ANKRD13D: variants seen among roughly 807,000 people sequenced by gnomAD.
The protein encoded by ANKRD13D is ankyrin repeat domain 13D.
ANKRD13D carries 24 observed loss-of-function variants against 68.8 expected under a neutral mutation model. That is an observed-to-expected ratio of 0.35 (90% CI 0.25 to 0.49). The LOEUF is 0.49. ANKRD13D is among the 20% of genes least tolerant of loss of function. ANKRD13D has a pLI of 0.99. For synonymous variants in ANKRD13D, 331 were observed against 336.1 expected (o/e 0.98, Z 0.16); for missense variants, 735 against 832.1 (o/e 0.88, Z 1.44).
chr11:67,292,109 G>A lies in ANKRD13D; in HGVS notation c.660G>A (p.Glu220=), dbSNP rs149376071. 9.0e-4 allele frequency: 1,450 copies of A among 1,612,444 alleles called. 2 individuals carry two copies. The highest frequency in any genetic ancestry group is 1.2e-3 in the Non-Finnish European group (1,402 of 1,178,900). Residue 220 remains glutamate (E), a synonymous_variant, in exon 6 of 15, where the codon GAG becomes GAA. Coordinates refer to ENST00000511455, the MANE Select transcript of ANKRD13D (RefSeq NM_207354.3). Reference sequence around the variant, plus strand: ...TGGCCGCCATGCGGCCCAGCGAGGAGCATGTGGCCAGTCGCCTCACCTCTC... The same window carrying A: ...TGGCCGCCATGCGGCCCAGCGAGGAACATGTGGCCAGTCGCCTCACCTCTC... ...TLLAAMRPSE[E]HVASRLTSPI...
intron 6 of ANKRD13D, 57 bp downstream of exon 6, chr11:67,292,237 A>G (rs910799037): frequency 3.3e-6 from 5 of 1,517,478 alleles, no homozygotes; most frequent in Non-Finnish European, 4.5e-6. Context: ...AAGAGCCACC[A>G]TTAATGAGGG....
Position 67,301,392 on chromosome 11 carries a change from G to T in ANKRD13D, c.1342G>T (p.Ala448Ser). Residue 448 changes from alanine (A) to serine (S), a missense_variant, in exon 12 of 15, where the codon GCA (alanine) becomes TCA (serine). Ala to Ser is a moderately conservative substitution (Grantham distance 99). Transcript: ENST00000511455. The surrounding 1 kb of genome is among the most constrained non-coding windows in gnomAD (Gnocchi z 4.5). ...GCCGGCCCCCAGCTCTGCTGTTGCCGCATCAGGTACCCCAACGGGAGGAAG... is the reference window on the plus strand; with the variant it reads ...GCCGGCCCCCAGCTCTGCTGTTGCCTCATCAGGTACCCCAACGGGAGGAAG... ...WVPAPSSAVA[A>S]SGNPFPCEVD... The T allele has an allele frequency of 6.2e-7, 1 of 1,610,252 alleles. No homozygotes were observed. Among genetic ancestry groups the T allele is most frequent in the South Asian group, 1.1e-5 (1 of 90,742 alleles).
In ANKRD13D at chr11:67,292,195, G is replaced by A; in HGVS notation, c.731+15G>A. 1.9e-6 allele frequency: 3 copies of A among 1,571,422 alleles called. No homozygotes were observed. Among genetic ancestry groups the A allele is most frequent in the South Asian group, 2.3e-5 (2 of 88,436 alleles). On this transcript the variant is annotated intron_variant, in intron 6 of 14. Coordinates refer to ENST00000511455, the MANE Select transcript of ANKRD13D (RefSeq NM_207354.3). ...GCCTTTGAGAGGTCGGTCGGGTCCT[G>A]GCACACCGTGGGTGGGATGGGGACG...
At chr11:67,295,598 T>C (rs1283190649) in intron 6 of ANKRD13D, among the ~76,000 whole-genome samples, 1 of 151,654 alleles carries the variant, frequency 6.6e-6, no homozygotes, top group Non-Finnish European at 1.5e-5. Flanking sequence ...TAGCCAGGCA[T>C]GGTGGTGGGC....
At chr11:67,293,804 C>A (rs1017412669) in intron 6 of ANKRD13D, among the ~76,000 whole-genome samples, 1 of 152,194 alleles carries the variant, frequency 6.6e-6, no homozygotes, top group East Asian at 1.9e-4. Flanking sequence ...AGGCATGAGC[C>A]ACCACACCTA....
chr11:67,299,369 CGTT>C lies in ANKRD13D; in HGVS notation c.799-159_799-157del. ...TCTTGACCCTGGGGCTGCATCTCCT[CGTT>C]GGTGACTTCCTGGGGTTCAGACCCT... On this transcript the variant is annotated intron_variant, in intron 7 of 14. Transcript: ENST00000511455. The surrounding 1 kb of genome is among the most constrained non-coding windows in gnomAD (Gnocchi z 6.2). The C allele has an allele frequency of 2.8e-6, 2 of 720,254 alleles. No homozygotes were observed. Among genetic ancestry groups the C allele is most frequent in the Middle Eastern group, 2.5e-4 (1 of 4,058 alleles). 44.6% of individuals were successfully genotyped at this position (720,254 alleles called of 1,614,324 possible). A position where few individuals can be genotyped will look rare whatever the true frequency, so the allele number is the denominator to read the frequency against.
rs1860974016 is a variant in ANKRD13D, at chr11:67,301,255, G to C, written c.1232-27G>C. 4 of 1,601,850 alleles carry C rather than the reference G, an allele frequency of 2.5e-6. No homozygotes were observed. Among genetic ancestry groups the C allele is most frequent in the Non-Finnish European group, 3.4e-6 (4 of 1,173,048 alleles). The stretch of plus-strand genomic sequence containing the variant: ...GGAGGCACAGGTGGCTCTCCGCCAG[G>C]GCTCAGGCGTGGCTGTCTTCTCACA... On this transcript the variant is annotated intron_variant, in intron 11 of 14. Transcript: ENST00000511455. This position sits in a 1 kb window ranked among gnomAD's most constrained non-coding sequence, Gnocchi z 4.5.
In ANKRD13D at chr11:67,302,341, C is replaced by A. The variant is rs778258430; in HGVS notation, c.*9C>A. 1.3e-6 allele frequency: 2 copies of A among 1,495,422 alleles called. No homozygotes were observed. Among genetic ancestry groups the A allele is most frequent in the Admixed American group, 4.4e-5 (2 of 45,058 alleles). The allele number at this position is 1,495,422 out of a possible 1,614,324, so 92.6% of individuals were successfully genotyped here. A position where few individuals can be genotyped will look rare whatever the true frequency, so the allele number is the denominator to read the frequency against. On this transcript the variant is annotated 3_prime_UTR_variant, in exon 15 of 15. Coordinates refer to ENST00000511455, the MANE Select transcript of ANKRD13D (RefSeq NM_207354.3). ...CACTCACTGAGCACTGAGCCATAGC[C>A]CCGGGAGGGCTGGCCAGGCCACTCC...
Position 67,300,230 on chromosome 11 carries a change from C to T in ANKRD13D, c.1073+107C>T. On this transcript the variant is annotated intron_variant, in intron 10 of 14. Coordinates refer to ENST00000511455, the MANE Select transcript of ANKRD13D (RefSeq NM_207354.3). The surrounding 1 kb of genome is among the most constrained non-coding windows in gnomAD (Gnocchi z 4.3). The stretch of plus-strand genomic sequence containing the variant: ...ACCCACTCCCTCGGCTGGCTTCTCT[C>T]TGGACTCCACTCCTGGAGGGCAGGA... 6.8e-7 allele frequency: 1 copy of T among 1,480,662 alleles called. No homozygotes were observed. The highest frequency in any genetic ancestry group is 2.3e-5 in the East Asian group (1 of 43,088). 91.7% of individuals were successfully genotyped at this position (1,480,662 alleles called of 1,614,324 possible).
At position 67,301,884 on chromosome 11, in the gene ANKRD13D, G is replaced by A. The variant is rs1197844818; in HGVS notation, c.1604+61G>A. 1.8e-5 allele frequency: 27 copies of A among 1,506,518 alleles called. No homozygotes were observed. Among genetic ancestry groups the A allele is most frequent in the Non-Finnish European group, 2.4e-5 (27 of 1,121,414 alleles). 93.3% of individuals were successfully genotyped at this position (1,506,518 alleles called of 1,614,324 possible). A position where few individuals can be genotyped will look rare whatever the true frequency, so the allele number is the denominator to read the frequency against. On this transcript the variant is annotated intron_variant, in intron 14 of 14. Transcript: ENST00000511455. This position sits in a 1 kb window ranked among gnomAD's most constrained non-coding sequence, Gnocchi z 4.5. ...CCCCAGCCCTGGCTTGGCGGGGAGGGGGATAGCAGGAAGGTGCTAGGACCC... is the reference window on the plus strand; with the variant it reads ...CCCCAGCCCTGGCTTGGCGGGGAGGAGGATAGCAGGAAGGTGCTAGGACCC...
chr11:67,296,338 A>AGTGTGTGTGTGTGT (rs35848734), intron 6 of ANKRD13D, among the ~76,000 whole-genome samples: 3 of 147,734 alleles, frequency 2.0e-5, no homozygotes, highest in South Asian at 2.1e-4. Flanking sequence ...TTTGGGCCTG[A>AGTGTGTGTGTGTGT]GTGTGTGTGT....
intron 1 of ANKRD13D, 39 bp from the exon 2 acceptor site, chr11:67,290,039 C>G (rs1206595825): frequency 1.3e-6 from 2 of 1,525,322 alleles, no homozygotes; most frequent in East Asian, 2.5e-5. Context: ...GCCTTGCCCT[C>G]TTCTCTCCTG....
intron 6 of ANKRD13D, among the ~76,000 whole-genome samples, chr11:67,295,146 G>T (rs1027482535): frequency 1.3e-5 from 2 of 152,148 alleles, no homozygotes; most frequent in African/African-American, 2.4e-5. Context: ...GGCTGGATGC[G>T]GTGGCTCACG....
intron 2 of ANKRD13D, 27 bp downstream of exon 2, chr11:67,290,240 C>A: frequency 6.5e-7 from 1 of 1,543,504 alleles, no homozygotes; most frequent in Non-Finnish European, 8.7e-7. Context: ...GGGGCTCCCC[C>A]TGAGGCTGGC....
In ANKRD13D at chr11:67,300,622, G is replaced by T; in HGVS notation, c.1074-368G>T. The stretch of plus-strand genomic sequence containing the variant: ...TCGAACCCTGGCAGTCTTGCCCTGG[G>T]GTGTGCTGGACATAAAAGTTTGGCA... On this transcript the variant is annotated intron_variant, in intron 10 of 14. Transcript: ENST00000511455. This position sits in a 1 kb window ranked among gnomAD's most constrained non-coding sequence, Gnocchi z 4.3. 1 of 438,218 alleles carries T rather than the reference G, an allele frequency of 2.3e-6. No individual in the cohort carries two copies. Among genetic ancestry groups the T allele is most frequent in the Admixed American group, 3.9e-5 (1 of 25,414 alleles). The allele number at this position is 438,218 out of a possible 1,614,324, so 27.1% of individuals were successfully genotyped here.
chr11:67,295,395 C>T (rs764729695), intron 6 of ANKRD13D, among the ~76,000 whole-genome samples: 68 of 147,962 alleles, frequency 4.6e-4, no homozygotes, highest in Admixed American at 1.3e-3. Context: ...CCAGCCTGGG[C>T]GACAGACCAA....
In ANKRD13D at chr11:67,300,782, C is replaced by G; in HGVS notation, c.1074-208C>G. On this transcript the variant is annotated intron_variant, in intron 10 of 14. Transcript: ENST00000511455. This position sits in a 1 kb window ranked among gnomAD's most constrained non-coding sequence, Gnocchi z 4.3. ...AGCTGGTACGAAATCCTCAGGAGCCCCAGCCTGGGCCCAGGGAGGAGGGCA... is the reference window on the plus strand; with the variant it reads ...AGCTGGTACGAAATCCTCAGGAGCCGCAGCCTGGGCCCAGGGAGGAGGGCA... The G allele has an allele frequency of 1.6e-6, 1 of 616,740 alleles. No individual in the cohort carries two copies. Among genetic ancestry groups the G allele is most frequent in the Non-Finnish European group, 2.8e-6 (1 of 357,456 alleles). The allele number at this position is 616,740 out of a possible 1,614,324, so 38.2% of individuals were successfully genotyped here.
intron 3 of ANKRD13D, 103 bp from the exon 4 acceptor site, chr11:67,291,373 A>AG: frequency 8.4e-7 from 1 of 1,183,808 alleles, no homozygotes; most frequent in Non-Finnish European, 1.2e-6. Flanking sequence ...AAAAAAAAAA[A>AG]AAGACCTGAT....
intron 6 of ANKRD13D, among the ~76,000 whole-genome samples, chr11:67,293,358 A>G (rs1860652646): frequency 6.6e-6 from 1 of 152,218 alleles, no homozygotes; most frequent in Non-Finnish European, 1.5e-5. Flanking sequence ...CTAGTGGGTG[A>G]GAAGTGATAG....
Sources: gnomAD v4.1 joint callset for allele counts (sites outside exome capture counted in the v4.1 genomes callset) on GRCh38, gnomAD v4.1.1 for gene constraint, Gnocchi (gnomAD v3.1) non-coding constraint, MANE v1.5 for transcripts, NCBI Gene and HGNC (gene_info 2026-07-23, HGNC 2026-07-21) for gene names.